The following MTMR2 variants were observed in gnomAD, a reference collection of about 807,000 sequenced individuals.
MTMR2 encodes the protein myotubularin related protein 2.
In MTMR2, 55 loss-of-function variants were observed where a neutral mutation model predicts 86.9. That is an observed-to-expected ratio of 0.63 (90% CI 0.51 to 0.79). The LOEUF (loss-of-function observed/expected upper bound fraction) is 0.79, where lower values mean the gene tolerates loss of function less well. MTMR2 is among the 30% of genes least tolerant of loss of function. The pLI is 0.00. For synonymous variants in MTMR2, 241 were observed against 266.8 expected, an observed-to-expected ratio of 0.90 and a Z score of 0.94; for missense variants, 659 against 772.3, an observed-to-expected ratio of 0.85 and a Z score of 1.74.
At chr11:95,859,167 G>A (rs140013670) in intron 5 of MTMR2, among the ~76,000 whole-genome samples, 1 of 152,242 alleles carries the variant, frequency 6.6e-6, no homozygotes, top group Non-Finnish European at 1.5e-5. Context: ...GCTACTAGTA[G>A]ACTTGATAGA....
Position 95,888,224 on chromosome 11 carries a change from T to C in MTMR2, c.118A>G (p.Lys40Glu). The C allele has an allele frequency of 6.2e-7, 1 of 1,613,660 alleles. No individual in the cohort carries two copies. The highest frequency in any genetic ancestry group is 1.3e-5 in the African/African-American group (1 of 75,038). ...TSHSENSVHT[K>E]SASVVSSDSI... Reference sequence around the variant, plus strand: ...TCTGATGATACAACAGAAGCTGATTTTGTATGCACTGAATTCTCTGAATGA... The same window carrying C: ...TCTGATGATACAACAGAAGCTGATTCTGTATGCACTGAATTCTCTGAATGA... The change falls in exon 2 of 15, where the codon AAA (lysine) becomes GAA (glutamate). Residue 40 changes from lysine (K) to glutamate (E), a missense_variant. Transcript: ENST00000346299.
At chr11:95,868,948 T>G (rs1281457949) in intron 2 of MTMR2, among the ~76,000 whole-genome samples, 4 of 148,676 alleles carry the variant, frequency 2.7e-5, no homozygotes, top group African/African-American at 5.0e-5. Context: ...AAATACTTTT[T>G]AGAAAAAAAA....
At chr11:95,844,897 C>T (rs1473332441) in intron 11 of MTMR2, 56 bp downstream of exon 11, 6 of 1,441,098 alleles carry the variant, frequency 4.2e-6, no homozygotes, top group Non-Finnish European at 5.8e-6. Context: ...ACATTTTTTT[C>T]ACATGCCTTG....
chr11:95,897,774 T>C (rs1414492293), intron 1 of MTMR2, among the ~76,000 whole-genome samples: 1 of 152,110 alleles, frequency 6.6e-6, no homozygotes. Flanking sequence ...GTTCAGTAAC[T>C]CTTCTCTCTA....
chr11:95,852,759 C>T (rs554819445), intron 7 of MTMR2, among the ~76,000 whole-genome samples: 2 of 152,184 alleles, frequency 1.3e-5, no homozygotes, highest in Admixed American at 6.5e-5. Flanking sequence ...ACGTGCTGGC[C>T]GGGCACGGTG....
At chr11:95,850,931 C>T (rs1050144500) in intron 7 of MTMR2, among the ~76,000 whole-genome samples, 182 bp from the exon 8 acceptor site, 2 of 151,848 alleles carry the variant, frequency 1.3e-5, no homozygotes, top group Admixed American at 6.6e-5. Context: ...TGTAGGGATA[C>T]GTATTCATTT....
At chr11:95,837,005 TAA>T (rs1413359936) in intron 13 of MTMR2, among the ~76,000 whole-genome samples, 5 of 152,024 alleles carry the variant, frequency 3.3e-5, no homozygotes, top group Non-Finnish European at 5.9e-5. Context: ...ATTATCAATT[TAA>T]AAAGTTTTTT....
intron 1 of MTMR2, among the ~76,000 whole-genome samples, chr11:95,894,308 T>C (rs1002919755): frequency 2.0e-5 from 3 of 152,166 alleles, no homozygotes; most frequent in African/African-American, 7.2e-5. Flanking sequence ...TCTCCCCACA[T>C]AGTTATTATT....
chr11:95,836,591 T>C (rs1863298117), intron 13 of MTMR2, among the ~76,000 whole-genome samples: 1 of 152,012 alleles, frequency 6.6e-6, no homozygotes, highest in Non-Finnish European at 1.5e-5. Context: ...AACTTTTTTA[T>C]AGATGTTCAA....
intron 1 of MTMR2, among the ~76,000 whole-genome samples, chr11:95,894,737 T>C (rs889547303): frequency 3.3e-5 from 5 of 152,226 alleles, no homozygotes; most frequent in East Asian, 1.9e-4. Context: ...CAATTTGAAA[T>C]TGACTGCTTA....
intron 7 of MTMR2, among the ~76,000 whole-genome samples, chr11:95,856,418 T>A (rs1462085405): frequency 3.9e-5 from 6 of 152,054 alleles, no homozygotes; most frequent in Non-Finnish European, 8.8e-5. Flanking sequence ...ATCTTCATTT[T>A]CTTCTGTAAT....
intron 1 of MTMR2, among the ~76,000 whole-genome samples, chr11:95,920,572 CCCTTTTG>C (rs1482020688): frequency 6.6e-6 from 1 of 151,416 alleles, no homozygotes; most frequent in African/African-American, 2.4e-5. Flanking sequence ...AATGAAATTG[CCCTTTTG>C]TGGGCAAAAG....
At chr11:95,846,038 T>C (rs1863777230) in intron 10 of MTMR2, among the ~76,000 whole-genome samples, 1 of 152,098 alleles carries the variant, frequency 6.6e-6, no homozygotes, top group Admixed American at 6.6e-5. Flanking sequence ...CTCCCCTTGA[T>C]CACAGCTATA....
rs1864453744 is a variant in MTMR2 at position 95,862,309 on chromosome 11, ACAGT to A, written c.316_319del (p.Thr106SerfsTer19). The A allele has an allele frequency of 1.9e-6, 3 of 1,613,992 alleles. No individual in the cohort carries two copies. The highest frequency in any genetic ancestry group is 1.3e-5 in the African/African-American group (1 of 74,934). ...TTTGAAATATAACCTATAATTCGTG[ACAGT>A]CAGAGTTCCTCGTACAGCGCCAGTG... On this transcript the variant is annotated frameshift_variant, in exon 4 of 15. Transcript: ENST00000346299. LOFTEE classifies it high-confidence loss of function.
At chr11:95,909,124 T>C (rs966710744) in intron 1 of MTMR2, among the ~76,000 whole-genome samples, 2 of 152,138 alleles carry the variant, frequency 1.3e-5, no homozygotes, top group Non-Finnish European at 2.9e-5. Context: ...TTTGTTACAC[T>C]ATTCTTAAAA....
At chr11:95,842,546 T>C (rs953384070) in intron 11 of MTMR2, among the ~76,000 whole-genome samples, 1 of 152,194 alleles carries the variant, frequency 6.6e-6, no homozygotes, top group African/African-American at 2.4e-5. Flanking sequence ...TCTCAGTTAT[T>C]TCCTCTGAGG....
At chr11:95,846,700 T>C (rs1189415651) in intron 10 of MTMR2, among the ~76,000 whole-genome samples, 1 of 152,212 alleles carries the variant, frequency 6.6e-6, no homozygotes, top group Non-Finnish European at 1.5e-5. Context: ...GCAAATTAAA[T>C]ATCTGGAGTT....
At chr11:95,895,641 G>A (rs1355704688) in intron 1 of MTMR2, among the ~76,000 whole-genome samples, 1 of 152,054 alleles carries the variant, frequency 6.6e-6, no homozygotes, top group Non-Finnish European at 1.5e-5. Flanking sequence ...AGAACACTCA[G>A]GCACTGCTTG....
At chr11:95,909,211 C>T (rs1866406078) in intron 1 of MTMR2, among the ~76,000 whole-genome samples, 1 of 151,968 alleles carries the variant, frequency 6.6e-6, no homozygotes, top group South Asian at 2.1e-4. Flanking sequence ...GTTATACAAA[C>T]ATTATTGGTG....
Sources: gnomAD v4.1 joint callset for allele counts (sites outside exome capture counted in the v4.1 genomes callset) on GRCh38, gnomAD v4.1.1 for gene constraint, MANE v1.5 for transcripts, NCBI Gene and HGNC (gene_info 2026-07-23, HGNC 2026-07-21) for gene names.